STK35: variants seen among roughly 807,000 people sequenced by gnomAD.
STK35 encodes the protein serine/threonine-protein kinase 35.
A neutral mutation model predicts 37.3 loss-of-function variants in STK35; 17 were observed. The ratio of observed to expected loss-of-function variants is 0.46; its 90% CI spans 0.31 to 0.68. STK35 has a LOEUF of 0.68. Ranked by LOEUF, STK35 falls within the 30% of genes least tolerant of loss-of-function variation. The pLI is 0.05. For missense variants in STK35, 595 were observed against 746.7 expected (o/e 0.80, Z 2.37); for synonymous variants, 385 against 319.1 (o/e 1.21, Z -2.20).
Position 2,128,531 on chromosome 20 carries a change from G to T in STK35, c.*37+11116G>T, listed in dbSNP as rs6137064. Among the ~76,000 whole-genome samples the T allele has an allele frequency of 9.5e-3, 1,445 of 152,194 alleles. 86 individuals are homozygous for T. The East Asian group carries it at 0.16, about 17-fold the overall frequency. ...TGGGACCCTGGGACAACTGACTCCC[G>T]CTCAGGCTCTCAGTGCATTTGTCTT... On this transcript the variant is annotated intron_variant, in intron 3 of 3. Transcript: ENST00000381482.
chr20:2,103,376 C>T lies in STK35; in HGVS notation c.892+11C>T, dbSNP rs369074164. On this transcript the variant is annotated intron_variant, in intron 2 of 3. Coordinates refer to ENST00000381482, the MANE Select transcript of STK35 (RefSeq NM_080836.4). ...AGACCTCGCTGAAAGGTAGGAGCACCGCGGGCCTTTCCACCCACGCAGGGC... is the reference window on the plus strand; with the variant it reads ...AGACCTCGCTGAAAGGTAGGAGCACTGCGGGCCTTTCCACCCACGCAGGGC... 2.1e-5 allele frequency: 33 copies of T among 1,604,208 alleles called. No individual in the cohort carries two copies. In the African/African-American group the frequency reaches 3.3e-4, roughly 16 times the overall value.
intron 3 of STK35, among the ~76,000 whole-genome samples, chr20:2,132,475 A>G (rs1386666975): frequency 6.6e-6 from 1 of 152,262 alleles, no homozygotes; most frequent in Admixed American, 6.5e-5. Context: ...AGAGCCTTGA[A>G]TGCCAGCCTG....
At chr20:2,126,357 G>A (rs1236668820) in intron 3 of STK35, among the ~76,000 whole-genome samples, 1 of 152,180 alleles carries the variant, frequency 6.6e-6, no homozygotes, top group Non-Finnish European at 1.5e-5. Flanking sequence ...AGATACAGGA[G>A]GACAGGAAAG....
In STK35 at chr20:2,103,163, C is replaced by A. The variant is rs761791681; in HGVS notation, c.690C>A (p.Val230=). 13 of 1,606,870 alleles carry A rather than the reference C, an allele frequency of 8.1e-6. No homozygotes were observed. Among genetic ancestry groups the A allele is most frequent in the Admixed American group, 1.7e-5 (1 of 59,784 alleles). Residue 230 remains valine, a synonymous_variant, in exon 2 of 4, where the codon GTC becomes GTA. Transcript: ENST00000381482. ...GGCGCAGCGGGGCCCGGGTGGCGGT[C>A]AAGAAGATCCGCTGCGACGCCCCCG... is the stretch of plus-strand genomic sequence containing the variant. ...VAGRSGARVA[V]KKIRCDAPEN... is the part of the protein sequence containing the mutation.
At position 2,101,935 on chromosome 20, in the gene STK35, T is replaced by C. The variant is rs1985393530; in HGVS notation, c.54T>C (p.Tyr18=). ...GGGCGCCGGCGGGAGGTGCAGCTTA[T>C]GTAAAGAGGTTATGTAAAGGGCTCA... ...LARAPAGGAA[Y]VKRLCKGLSW... The change falls in exon 1 of 4, where the codon TAT becomes TAC. Residue 18 remains tyrosine (Y), a synonymous_variant. Coordinates refer to ENST00000381482, the MANE Select transcript of STK35 (RefSeq NM_080836.4). The C allele has an allele frequency of 1.3e-6, 2 of 1,492,030 alleles. No homozygotes were observed. Among genetic ancestry groups the C allele is most frequent in the Non-Finnish European group, 1.8e-6 (2 of 1,118,802 alleles). The allele number at this position is 1,492,030 out of a possible 1,614,324, so 92.4% of individuals were successfully genotyped here.
At chr20:2,114,305 G>A (rs190543652) in intron 2 of STK35, among the ~76,000 whole-genome samples, 2 of 152,116 alleles carry the variant, frequency 1.3e-5, no homozygotes, top group African/African-American at 4.8e-5. Context: ...CACTGCACCC[G>A]GCCTCAAAAG....
Position 2,143,952 on chromosome 20 carries a change from T to C in STK35, c.*206T>C, listed in dbSNP as rs1273962847. 2 of 380,334 alleles carry C rather than the reference T, an allele frequency of 5.3e-6. No homozygotes were observed. Among genetic ancestry groups the C allele is most frequent in the African/African-American group, 2.7e-5 (1 of 36,670 alleles). The allele number at this position is 380,334 out of a possible 1,614,324, so 23.6% of individuals were successfully genotyped here. A position where few individuals can be genotyped will look rare whatever the true frequency, so the allele number is the denominator to read the frequency against. ...TAGTTTTGCTTTATTTTTTTCCTTT[T>C]CTTTTCTTTTTTTTTTTTCCTCTTT... is the stretch of plus-strand genomic sequence containing the variant. On this transcript the variant is annotated 3_prime_UTR_variant, in exon 4 of 4. Coordinates refer to ENST00000381482, the MANE Select transcript of STK35 (RefSeq NM_080836.4).
At chr20:2,122,201 G>A (rs1985830910) in intron 3 of STK35, among the ~76,000 whole-genome samples, 1 of 152,100 alleles carries the variant, frequency 6.6e-6, no homozygotes, top group Non-Finnish European at 1.5e-5. Flanking sequence ...AGGTGTGGTG[G>A]CACATGCCAT....
At chr20:2,136,970 G>A (rs1000374190) in intron 3 of STK35, among the ~76,000 whole-genome samples, 1 of 152,210 alleles carries the variant, frequency 6.6e-6, no homozygotes, top group African/African-American at 2.4e-5. Context: ...TGACAGATAG[G>A]GGGTGGGAGT....
At chr20:2,106,767 A>G (rs1009956982) in intron 2 of STK35, among the ~76,000 whole-genome samples, 4 of 152,190 alleles carry the variant, frequency 2.6e-5, no homozygotes, top group African/African-American at 9.7e-5. Context: ...ATAGCCTTAA[A>G]TGCATTGTCT....
At chr20:2,123,139 A>G (rs1462492919) in intron 3 of STK35, among the ~76,000 whole-genome samples, 2 of 151,888 alleles carry the variant, frequency 1.3e-5, no homozygotes, top group Non-Finnish European at 2.9e-5. Context: ...TGATATACAA[A>G]CCTCCGTTAC....
intron 3 of STK35, among the ~76,000 whole-genome samples, chr20:2,137,156 T>C (rs1463792126): frequency 6.6e-6 from 1 of 152,256 alleles, no homozygotes; most frequent in African/African-American, 2.4e-5. Context: ...TTGCAGCCAC[T>C]GTTGTAGCTT....
intron 3 of STK35, among the ~76,000 whole-genome samples, chr20:2,142,281 AG>A (rs1986183940): frequency 1.4e-5 from 2 of 145,326 alleles, no homozygotes; most frequent in African/African-American, 5.1e-5. Context: ...CAGTGCTCAG[AG>A]GGAGAAACTG....
At chr20:2,141,455 G>T (rs1430146471) in intron 3 of STK35, among the ~76,000 whole-genome samples, 1 of 152,154 alleles carries the variant, frequency 6.6e-6, no homozygotes, top group Admixed American at 6.5e-5. Flanking sequence ...CTAACCTCCC[G>T]TTTGGCAGTG....
At chr20:2,120,093 C>G (rs994694975) in intron 3 of STK35, among the ~76,000 whole-genome samples, 3 of 152,222 alleles carry the variant, frequency 2.0e-5, no homozygotes, top group Admixed American at 6.5e-5. Context: ...TGTGCTGTCA[C>G]TTCCCATTTC....
At chr20:2,107,105 G>C (rs1212276789) in intron 2 of STK35, among the ~76,000 whole-genome samples, 1 of 152,208 alleles carries the variant, frequency 6.6e-6, no homozygotes, top group African/African-American at 2.4e-5. Context: ...TTATCCCCTT[G>C]TTTTCCATTG....
chr20:2,136,235 G>A (rs1338417142), intron 3 of STK35, among the ~76,000 whole-genome samples: 2 of 152,206 alleles, frequency 1.3e-5, no homozygotes, highest in African/African-American at 4.8e-5. Context: ...CTGTTGAGAA[G>A]TCAGTAAGGG....
At chr20:2,140,707 A>G (rs1449429778) in intron 3 of STK35, among the ~76,000 whole-genome samples, 1 of 152,224 alleles carries the variant, frequency 6.6e-6, no homozygotes, top group Non-Finnish European at 1.5e-5. Context: ...AGCCAGTGCC[A>G]GAGCTAGAGG....
chr20:2,102,227 C>A, intron 1 of STK35, 52 bp downstream of exon 1: 2 of 1,368,178 alleles, frequency 1.5e-6, no homozygotes, highest in Non-Finnish European at 1.9e-6. Flanking sequence ...GGAGTTACTG[C>A]CACTGCCTCC....
Sources: gnomAD v4.1 joint callset for allele counts (sites outside exome capture counted in the v4.1 genomes callset) on GRCh38, gnomAD v4.1.1 for gene constraint, MANE v1.5 for transcripts, NCBI Gene and HGNC (gene_info 2026-07-23, HGNC 2026-07-21) for gene names.